The following ASIC2 variants were observed in gnomAD, a reference collection of about 807,000 sequenced individuals.
The protein encoded by ASIC2 is acid-sensing ion channel 2.
In ASIC2, 25 loss-of-function variants were observed where a neutral mutation model predicts 57.3. That is an observed-to-expected ratio of 0.44 (90% confidence interval 0.32 to 0.61). The LOEUF (loss-of-function observed/expected upper bound fraction) is 0.61. ASIC2 is among the 20% of genes least tolerant of loss of function. The pLI, the probability that ASIC2 is intolerant of heterozygous loss-of-function variation, is 0.06. For missense variants in ASIC2, 641 were observed against 738.1 expected, an observed-to-expected ratio of 0.87 and a Z score of 1.52; for synonymous variants, 319 against 307.5, an observed-to-expected ratio of 1.04 and a Z score of -0.39.
intron 1 of ASIC2, among the ~76,000 whole-genome samples, chr17:33,487,803 C>T (rs1913623720): frequency 6.6e-6 from 1 of 152,180 alleles, no homozygotes; most frequent in Admixed American, 6.5e-5. Context: ...CTGGATGCTT[C>T]CTGCCCTAGA....
At chr17:33,746,599 A>G (rs181072127) in intron 1 of ASIC2, among the ~76,000 whole-genome samples, 2 of 152,034 alleles carry the variant, frequency 1.3e-5, no homozygotes, top group Admixed American at 1.3e-4. Flanking sequence ...ACCACATTGA[A>G]GGGAGAAATA....
intron 1 of ASIC2, among the ~76,000 whole-genome samples, chr17:34,096,406 G>A (rs1448882354): frequency 6.6e-6 from 1 of 152,082 alleles, no homozygotes; most frequent in African/African-American, 2.4e-5. Context: ...AGTCAGGAGG[G>A]GTAAGGCATA....
At chr17:33,883,032 T>G (rs1395954901) in intron 1 of ASIC2, among the ~76,000 whole-genome samples, 2 of 152,050 alleles carry the variant, frequency 1.3e-5, no homozygotes, top group African/African-American at 2.4e-5. Flanking sequence ...CACCACATGT[T>G]CTCACTCATA....
At chr17:33,313,186 C>A (rs1303968846) in intron 1 of ASIC2, among the ~76,000 whole-genome samples, 1 of 151,814 alleles carries the variant, frequency 6.6e-6, no homozygotes, top group Non-Finnish European at 1.5e-5. Context: ...ATTAGCCAGG[C>A]ATAGTGGTGT....
At chr17:33,381,757 T>A (rs1000977490) in intron 1 of ASIC2, among the ~76,000 whole-genome samples, 5 of 152,210 alleles carry the variant, frequency 3.3e-5, no homozygotes, top group African/African-American at 1.2e-4. Context: ...GCATAGGTCA[T>A]GGCAAAGTCA....
chr17:33,645,231 A>G (rs1906703768), intron 1 of ASIC2, among the ~76,000 whole-genome samples: 1 of 152,190 alleles, frequency 6.6e-6, no homozygotes. Flanking sequence ...AAATCTGGAG[A>G]TGAATCCCTG....
intron 1 of ASIC2, among the ~76,000 whole-genome samples, chr17:33,330,816 C>T (rs961467369): frequency 2.6e-5 from 4 of 152,144 alleles, no homozygotes; most frequent in African/African-American, 9.7e-5. Context: ...GTGGGGTCGA[C>T]ATCTTCATTT....
At chr17:33,583,277 T>C (rs1360040346) in intron 1 of ASIC2, among the ~76,000 whole-genome samples, 1 of 151,792 alleles carries the variant, frequency 6.6e-6, no homozygotes, top group Non-Finnish European at 1.5e-5. Flanking sequence ...GCATTACAAA[T>C]TGTCCACAGC....
chr17:33,766,325 A>C (rs1051352268), intron 1 of ASIC2, among the ~76,000 whole-genome samples: 7 of 152,224 alleles, frequency 4.6e-5, no homozygotes, highest in Admixed American at 6.5e-5. Flanking sequence ...GGCTTCAAGC[A>C]GCTGCTGAGG....
At chr17:33,173,234 C>T (rs1905597361) in intron 1 of ASIC2, among the ~76,000 whole-genome samples, 1 of 152,114 alleles carries the variant, frequency 6.6e-6, no homozygotes, top group South Asian at 2.1e-4. Flanking sequence ...CCATCTGACT[C>T]CTTATTCCTT....
chr17:33,777,019 A>T (rs1382210737), intron 1 of ASIC2, among the ~76,000 whole-genome samples: 1 of 151,972 alleles, frequency 6.6e-6, no homozygotes, highest in Admixed American at 6.5e-5. Flanking sequence ...ATTACCACCA[A>T]GCCGATGTCT....
intron 1 of ASIC2, among the ~76,000 whole-genome samples, chr17:33,388,258 C>T (rs2141950986): frequency 6.6e-6 from 1 of 152,352 alleles, no homozygotes; most frequent in East Asian, 1.9e-4. Flanking sequence ...TTCCCCAGAG[C>T]CTCTGGAGGG....
intron 1 of ASIC2, among the ~76,000 whole-genome samples, chr17:34,067,414 G>A (rs562068154): frequency 1.2e-4 from 19 of 152,262 alleles, no homozygotes; most frequent in Admixed American, 1.0e-3. Flanking sequence ...CTATCAAACT[G>A]ACAAATGATT....
At chr17:34,121,058 A>T (rs1308211737) in intron 1 of ASIC2, among the ~76,000 whole-genome samples, 1 of 152,008 alleles carries the variant, frequency 6.6e-6, no homozygotes, top group African/African-American at 2.4e-5. Flanking sequence ...TGTCCTCCTA[A>T]TAAGAGGAGA....
intron 1 of ASIC2, among the ~76,000 whole-genome samples, chr17:33,425,191 A>T (rs1911175406): frequency 1.3e-5 from 2 of 152,180 alleles, no homozygotes; most frequent in African/African-American, 4.8e-5. Flanking sequence ...CAGTCTCTAA[A>T]CTCCATGAGG....
intron 1 of ASIC2, among the ~76,000 whole-genome samples, chr17:33,830,737 C>G (rs1360074612): frequency 2.0e-5 from 3 of 151,960 alleles, no homozygotes; most frequent in African/African-American, 7.3e-5. Context: ...CCGACAGGTC[C>G]CGGTGTGTGA....
At chr17:33,067,523 A>G (rs184815197) in intron 3 of ASIC2, among the ~76,000 whole-genome samples, 1 of 152,308 alleles carries the variant, frequency 6.6e-6, no homozygotes, top group African/African-American at 2.4e-5. Flanking sequence ...TTTTTGACAG[A>G]GCATCACAAC....
At chr17:33,949,473 T>C (rs900706316) in intron 1 of ASIC2, among the ~76,000 whole-genome samples, 1 of 152,226 alleles carries the variant, frequency 6.6e-6, no homozygotes, top group African/African-American at 2.4e-5. Flanking sequence ...CTTTTGTAAA[T>C]TTATAAGTTT....
chr17:33,760,542 G>A (rs1448865988), intron 1 of ASIC2, among the ~76,000 whole-genome samples: 1 of 151,376 alleles, frequency 6.6e-6, no homozygotes, highest in African/African-American at 2.4e-5. Context: ...GTGTGCCATA[G>A]ATTTATATAT....
Sources: allele counts gnomAD v4.1 joint callset (sites outside exome capture counted in the v4.1 genomes callset), GRCh38; gene constraint gnomAD v4.1.1; transcripts MANE v1.5; gene names NCBI Gene and HGNC (gene_info 2026-07-23, HGNC 2026-07-21).